The following ZC3H7A variants were observed in gnomAD, a reference collection of about 807,000 sequenced individuals.
ZC3H7A encodes the protein zinc finger CCCH-type containing 7A, also known as zinc finger CCCH domain-containing protein 7A.
ZC3H7A carries 44 observed loss-of-function variants against 125.5 expected under a neutral mutation model. The observed-to-expected ratio is 0.35, with a 90% confidence interval of 0.28 to 0.45. ZC3H7A has a LOEUF of 0.45. Among genes scored for constraint, ZC3H7A ranks in the 20% least tolerant of loss-of-function variants. The pLI is 1.00. For missense variants in ZC3H7A, 977 were observed against 1,170.7 expected (o/e 0.83, Z 2.41); for synonymous variants, 399 against 391.2 (o/e 1.02, Z -0.23).
chr16:11,773,559 T>G (rs900614067), intron 9 of ZC3H7A, among the ~76,000 whole-genome samples: 11 of 151,882 alleles, frequency 7.2e-5, no homozygotes, highest in African/African-American at 2.7e-4. Context: ...CTTTAAAGTA[T>G]GTGGTTGCTA....
intron 1 of ZC3H7A, among the ~76,000 whole-genome samples, chr16:11,783,463 T>C (rs2053205434): frequency 6.6e-6 from 1 of 152,224 alleles, no homozygotes; most frequent in South Asian, 2.1e-4. Context: ...CTTGGCATTC[T>C]GGGCTAGCTA....
At position 11,758,863 on chromosome 16, in the gene ZC3H7A, G is replaced by A. The variant is rs2052695786; in HGVS notation, c.2320-324C>T. 10 of 262,408 alleles carry A rather than the reference G, an allele frequency of 3.8e-5. No homozygotes were observed. In the South Asian group the frequency reaches 3.8e-4, roughly 10 times the overall value. 16.3% of individuals were successfully genotyped at this position (262,408 alleles called of 1,614,324 possible). ...TGAACATCCCTGGCCCTCTCAGTCT[G>A]ACAGCTCCTGTTTCCCTGCCCAACA... On this transcript the variant is annotated intron_variant, in intron 19 of 22. Transcript: ENST00000355758.
intron 16 of ZC3H7A, 87 bp downstream of exon 16, chr16:11,763,391 G>C: frequency 7.3e-7 from 1 of 1,371,704 alleles, no homozygotes; most frequent in Non-Finnish European, 9.9e-7. Context: ...TTACAGGCAT[G>C]AGCCACCACG....
intron 9 of ZC3H7A, 70 bp downstream of exon 9, chr16:11,774,166 C>A (rs1254092560): frequency 1.4e-6 from 2 of 1,396,088 alleles, no homozygotes; most frequent in Admixed American, 5.6e-5. Context: ...AAAAGTCTAT[C>A]AAGTTATATT....
chr16:11,791,758 G>C (rs1470342783), intron 1 of ZC3H7A, among the ~76,000 whole-genome samples: 1 of 152,190 alleles, frequency 6.6e-6, no homozygotes, highest in Admixed American at 6.5e-5. Context: ...GGGGAAACAA[G>C]GTGGGAAGTG....
At position 11,762,766 on chromosome 16, in the gene ZC3H7A, T is replaced by G. The variant is rs1160480416; in HGVS notation, c.2003-19A>C. On this transcript the variant is annotated intron_variant, in intron 16 of 22. Transcript: ENST00000355758. ...GAGATACCTGGGGAATGTACAAGCC[T>G]TCCTTTAAATTATATCTATAAGAAC... The G allele has an allele frequency of 1.2e-6, 2 of 1,611,148 alleles. No homozygotes were observed.
At chr16:11,780,390 GGATT>G (rs1294185775) in intron 3 of ZC3H7A, among the ~76,000 whole-genome samples, 1 of 151,884 alleles carries the variant, frequency 6.6e-6, no homozygotes, top group Admixed American at 6.6e-5. Context: ...GAAAATGCTG[GGATT>G]ACAGGTGTGA....
At chr16:11,769,216 A>G in intron 10 of ZC3H7A, 121 bp from the exon 11 acceptor site, 1 of 823,088 alleles carries the variant, frequency 1.2e-6, no homozygotes, top group South Asian at 2.4e-5. Context: ...GTTTCTAGAA[A>G]TTTTCTTGCT....
chr16:11,763,865 G>A (rs1345570133), intron 15 of ZC3H7A, among the ~76,000 whole-genome samples: 4 of 146,646 alleles, frequency 2.7e-5, no homozygotes, highest in Non-Finnish European at 4.5e-5. Context: ...GTGCAGTGGC[G>A]CGATCTCGGC....
At chr16:11,776,173 A>G (rs2053076959) in intron 7 of ZC3H7A, 147 bp downstream of exon 7, 2 of 727,298 alleles carry the variant, frequency 2.7e-6, no homozygotes, top group East Asian at 2.9e-5. Context: ...AAAAATAAAT[A>G]AAGTGACAGG....
rs1029099301 is a variant in ZC3H7A at position 11,776,878 on chromosome 16, T to C, written c.338A>G (p.Asn113Ser). ...GFHDKVLEDCNIVLSLNASNC... is the reference protein window; with the variant it reads ...GFHDKVLEDCSIVLSLNASNC... ...ACTGGCATTTAAACTGAGGACTATA[T>C]TGCAGTCCTCCAAAACTTTATCATG... Residue 113 changes from asparagine (N) to serine (S), a missense_variant, in exon 5 of 23, where the codon AAT becomes AGT. Asn to Ser is a conservative substitution (Grantham distance 46). This residue lies in a region of ZC3H7A where 199 missense variants were observed against 256.1 expected (regional missense o/e 0.78). Transcript: ENST00000355758. 5.6e-6 allele frequency: 9 copies of C among 1,607,754 alleles called. No individual in the cohort carries two copies. The highest frequency in any genetic ancestry group is 6.8e-6 in the Non-Finnish European group (8 of 1,178,264).
At chr16:11,786,202 T>C (rs1418671526) in intron 1 of ZC3H7A, among the ~76,000 whole-genome samples, 1 of 152,200 alleles carries the variant, frequency 6.6e-6, no homozygotes, top group Non-Finnish European at 1.5e-5. Context: ...CACCGGGCTT[T>C]TGTTTGTTTT....
Position 11,751,126 on chromosome 16 carries a change from G to C in ZC3H7A, c.*191C>G. 1.9e-6 allele frequency: 1 copy of C among 527,038 alleles called. No homozygotes were observed. Among genetic ancestry groups the C allele is most frequent in the Admixed American group, 3.7e-5 (1 of 27,278 alleles). The allele number at this position is 527,038 out of a possible 1,614,324, so 32.6% of individuals were successfully genotyped here. On this transcript the variant is annotated 3_prime_UTR_variant, in exon 23 of 23. Transcript: ENST00000355758. Reference sequence around the variant, plus strand: ...GCAGTCACTTCACCATCTGATGCCAGTGGTTCCGTGAGAGCGTGGCCAGGC... The same window carrying C: ...GCAGTCACTTCACCATCTGATGCCACTGGTTCCGTGAGAGCGTGGCCAGGC...
chr16:11,793,687 T>C (rs1448472603), intron 1 of ZC3H7A, among the ~76,000 whole-genome samples: 2 of 152,200 alleles, frequency 1.3e-5, no homozygotes, highest in African/African-American at 2.4e-5. Flanking sequence ...GGCAACAGTA[T>C]ATTAACTGGC....
Position 11,772,662 on chromosome 16 carries a change from A to C in ZC3H7A, c.903+1574T>G, listed in dbSNP as rs190878928. Among the ~76,000 whole-genome samples, 54 of 150,922 alleles carry C rather than the reference A, an allele frequency of 3.6e-4. 1 individual carries two copies. Among genetic ancestry groups the C allele is most frequent in the African/African-American group, 1.1e-3 (45 of 40,810 alleles). On this transcript the variant is annotated intron_variant, in intron 9 of 22. Transcript: ENST00000355758. ...TCACCATCATCCTACCACTGCTGCT[A>C]CTGATTTATTTTACTTTATGGGAGG...
intron 19 of ZC3H7A, 85 bp from the exon 20 acceptor site, chr16:11,758,624 A>G (rs2052692330): frequency 1.2e-5 from 11 of 897,958 alleles, no homozygotes; most frequent in Non-Finnish European, 2.0e-5. Context: ...AAGAAGCATT[A>G]TTATCCATGC....
chr16:11,771,806 T>A (rs929984352), intron 9 of ZC3H7A, among the ~76,000 whole-genome samples: 5 of 152,124 alleles, frequency 3.3e-5, no homozygotes, highest in African/African-American at 1.2e-4. Flanking sequence ...CAGCTAGATG[T>A]CTAACATTAT....
chr16:11,764,258 C>T (rs2052813988), intron 15 of ZC3H7A, among the ~76,000 whole-genome samples: 1 of 151,764 alleles, frequency 6.6e-6, no homozygotes, highest in African/African-American at 2.4e-5. Flanking sequence ...ACTAAAAATA[C>T]AAAAAATTGT....
At chr16:11,768,638 T>TCTGAG in intron 11 of ZC3H7A, 137 bp from the exon 12 acceptor site, 1 of 755,744 alleles carries the variant, frequency 1.3e-6, no homozygotes, top group Non-Finnish European at 1.9e-6. Flanking sequence ...TCCTTAATGC[T>TCTGAG]CTTCTATCTT....
Sources: allele counts gnomAD v4.1 joint callset (sites outside exome capture counted in the v4.1 genomes callset), GRCh38; gene constraint gnomAD v4.1.1; regional missense constraint gnomAD v4.1.1; transcripts MANE v1.5; gene names NCBI Gene and HGNC (gene_info 2026-07-23, HGNC 2026-07-21).